Variants in METAP2 observed in about 807,000 individuals in gnomAD.
The protein encoded by METAP2 is methionyl aminopeptidase 2.
Under a neutral mutation model 59.4 loss-of-function variants are expected in METAP2, and 25 were observed. That is an observed-to-expected ratio of 0.42 (90% confidence interval 0.31 to 0.59). The LOEUF (loss-of-function observed/expected upper bound fraction) is 0.59. METAP2 is among the 20% of genes least tolerant of loss of function. The probability of loss-of-function intolerance (pLI) is 0.16; values close to 1 mark genes in which losing one functional copy is unlikely to be tolerated. For synonymous variants in METAP2, 214 were observed against 194.1 expected, an observed-to-expected ratio of 1.10 and a Z score of -0.85; for missense variants, 366 against 581.2, an observed-to-expected ratio of 0.63 and a Z score of 3.81.
At chr12:95,483,333 G>T in intron 3 of METAP2, 53 bp downstream of exon 3, 1 of 1,408,648 alleles carries the variant, frequency 7.1e-7, no homozygotes, top group South Asian at 1.2e-5. Context: ...TTATTCTGTC[G>T]GGTGTGGTGG....
Position 95,511,907 on chromosome 12 carries a change from G to A in METAP2, c.977G>A (p.Arg326His), listed in dbSNP as rs150494953. 6.2e-6 allele frequency: 10 copies of A among 1,606,166 alleles called. No individual in the cohort carries two copies. Among genetic ancestry groups the A allele is most frequent in the East Asian group, 2.2e-5 (1 of 44,726 alleles). Residue 326 changes from arginine (R) to histidine (H), a missense_variant, in exon 9 of 11, where the codon CGT becomes CAT. By Grantham distance (29) the Arg-to-His change is conservative (BLOSUM62 0). Transcript: ENST00000323666. ...DGKTYQVKPI[R>H]NLNGHSIGQY... ...TTTTTTATAACAGTGAAACCAATCC[G>A]TAATCTAAATGGACATTCAATTGGG...
rs551137950 is a variant in METAP2, at chr12:95,512,065, T to C, written c.1068+67T>C. On this transcript the variant is annotated intron_variant, in intron 9 of 10. Coordinates refer to ENST00000323666, the MANE Select transcript of METAP2 (RefSeq NM_006838.4). ...TTTTCTTCCAAGCAGAAGGTCATGG[T>C]AGTTAAATATATGGTTATACTGACC... 1.9e-4 allele frequency: 203 copies of C among 1,095,622 alleles called. No individual in the cohort carries two copies. In the African/African-American group the frequency reaches 2.8e-3, roughly 15 times the overall value. 67.9% of individuals were successfully genotyped at this position (1,095,622 alleles called of 1,614,324 possible).
In METAP2 at chr12:95,513,540, A is replaced by G. The variant is rs928487441; in HGVS notation, c.1185-112A>G. 33 of 1,229,610 alleles carry G rather than the reference A, an allele frequency of 2.7e-5. No homozygotes were observed. The African/African-American group carries it at 4.7e-4, about 17-fold the overall frequency. 76.2% of individuals were successfully genotyped at this position (1,229,610 alleles called of 1,614,324 possible). On this transcript the variant is annotated intron_variant, in intron 10 of 10. Coordinates refer to ENST00000323666, the MANE Select transcript of METAP2 (RefSeq NM_006838.4). ...TGATTGTTGAAAGAGCAACAATAAA[A>G]GTTTTTGGACTTCAACTACTAGGAC... is the stretch of plus-strand genomic sequence containing the variant.
intron 2 of METAP2, chr12:95,482,045 G>A (rs906181652): frequency 7.8e-6 from 3 of 384,034 alleles, no homozygotes; most frequent in African/African-American, 6.3e-5. Flanking sequence ...AATTTTTCGT[G>A]TGCCTTTTGT....
intron 10 of METAP2, among the ~76,000 whole-genome samples, chr12:95,513,416 G>A (rs544542627): frequency 8.5e-5 from 13 of 152,294 alleles, no homozygotes; most frequent in South Asian, 2.1e-4. Flanking sequence ...GCACACGCGC[G>A]CGCACGTAGA....
In METAP2 at chr12:95,510,033, C is replaced by T. The variant is rs555161657; in HGVS notation, c.965-1862C>T. Among the ~76,000 whole-genome samples, 4 of 152,228 alleles carry T rather than the reference C, an allele frequency of 2.6e-5. No individual in the cohort carries two copies. In the South Asian group the frequency reaches 8.3e-4, roughly 32 times the overall value. On this transcript the variant is annotated intron_variant, in intron 8 of 10. Transcript: ENST00000323666. ...TATATTTTTAGTAGAGATGGGGTTT[C>T]ACTGTGTTGGCCAGACTGGTCTTGA...
intron 7 of METAP2, among the ~76,000 whole-genome samples, chr12:95,498,724 C>G (rs1271135534): frequency 6.6e-6 from 1 of 152,158 alleles, no homozygotes; most frequent in African/African-American, 2.4e-5. Context: ...CTTGTCAAAG[C>G]TCATCTGGGT....
intron 4 of METAP2, among the ~76,000 whole-genome samples, chr12:95,486,900 C>T (rs1007327872): frequency 5.9e-5 from 9 of 152,184 alleles, no homozygotes; most frequent in Admixed American, 4.6e-4. Flanking sequence ...TGTAAGGATA[C>T]ATTTAAAATG....
At chr12:95,487,261 G>A (rs1000516033) in intron 4 of METAP2, among the ~76,000 whole-genome samples, 23 of 152,204 alleles carry the variant, frequency 1.5e-4, no homozygotes, top group Admixed American at 7.2e-4. Context: ...GGTTGCAGTC[G>A]TTGGTTAAGA....
intron 7 of METAP2, among the ~76,000 whole-genome samples, chr12:95,498,894 GGT>G (rs2076295544): frequency 6.6e-6 from 1 of 151,898 alleles, no homozygotes; most frequent in African/African-American, 2.4e-5. Context: ...GCACCCTTGT[GGT>G]CCCAGCTACT....
At chr12:95,505,695 A>G (rs952103543) in intron 8 of METAP2, among the ~76,000 whole-genome samples, 1 of 151,730 alleles carries the variant, frequency 6.6e-6, no homozygotes, top group Admixed American at 6.6e-5. Context: ...GGGTTTTGTC[A>G]TGTTGGCCAG....
chr12:95,494,895 G>A (rs947364632), intron 5 of METAP2, 62 bp from the exon 6 acceptor site: 14 of 1,372,210 alleles, frequency 1.0e-5, no homozygotes, highest in African/African-American at 1.5e-5. Context: ...GAACTATATG[G>A]TATTAATATA....
intron 7 of METAP2, among the ~76,000 whole-genome samples, chr12:95,499,302 C>G (rs2076298762): frequency 1.3e-5 from 2 of 152,038 alleles, no homozygotes; most frequent in Admixed American, 6.6e-5. Context: ...CCACCGTACC[C>G]ATCAATTTTG....
At chr12:95,502,801 G>T in intron 7 of METAP2, among the ~76,000 whole-genome samples, 1 of 150,092 alleles carries the variant, frequency 6.7e-6, no homozygotes. Flanking sequence ...TTATCTTCAG[G>T]TTTGCTGGTT....
In METAP2 at chr12:95,512,899, T is replaced by C. The variant is rs200335324; in HGVS notation, c.1167T>C (p.Val389=). Reference sequence around the variant, plus strand: ...CACATTACATGAAAAATTTTGATGTTGGACATGTGCCAATAAGGTGAGAGA... The same window carrying C: ...CACATTACATGAAAAATTTTGATGTCGGACATGTGCCAATAAGGTGAGAGA... ...ECSHYMKNFD[V]GHVPIRLPRT... The change falls in exon 10 of 11, where the codon GTT becomes GTC. Residue 389 remains valine (V), a synonymous_variant. Coordinates refer to ENST00000323666, the MANE Select transcript of METAP2 (RefSeq NM_006838.4). The C allele has an allele frequency of 1.2e-6, 2 of 1,604,880 alleles. No homozygotes were observed. The highest frequency in any genetic ancestry group is 2.2e-5 in the South Asian group (2 of 90,734).
chr12:95,475,495 C>A (rs2076111343), intron 1 of METAP2, among the ~76,000 whole-genome samples: 1 of 152,210 alleles, frequency 6.6e-6, no homozygotes, highest in Non-Finnish European at 1.5e-5. Context: ...AATGTCACTT[C>A]ATTTCGTGCT....
chr12:95,505,295 C>G (rs578121199), intron 8 of METAP2, among the ~76,000 whole-genome samples: 6 of 152,190 alleles, frequency 3.9e-5, no homozygotes, highest in Non-Finnish European at 7.3e-5. Flanking sequence ...CGTAACAGTC[C>G]TCTTTCATGT....
At chr12:95,499,105 TA>T (rs1244546445) in intron 7 of METAP2, among the ~76,000 whole-genome samples, 3 of 152,156 alleles carry the variant, frequency 2.0e-5, no homozygotes, top group Non-Finnish European at 4.4e-5. Context: ...TGTCTGTCTT[TA>T]TGTCAATACC....
At position 95,512,397 on chromosome 12, in the gene METAP2, G is replaced by A. The variant is rs903028478; in HGVS notation, c.1068+399G>A. Among the ~76,000 whole-genome samples the A allele has an allele frequency of 2.6e-5, 4 of 152,050 alleles. No homozygotes were observed. The South Asian group carries it at 6.2e-4, about 24-fold the overall frequency. On this transcript the variant is annotated intron_variant, in intron 9 of 10. Coordinates refer to ENST00000323666, the MANE Select transcript of METAP2 (RefSeq NM_006838.4). ...CTATTTCATGTTGCTGCTTAATCAG[G>A]TAGAGACTTCAAGAGATGGTAATTG...
Sources: gnomAD v4.1 joint callset for allele counts (sites outside exome capture counted in the v4.1 genomes callset) on GRCh38, gnomAD v4.1.1 for gene constraint, MANE v1.5 for transcripts, NCBI Gene and HGNC (gene_info 2026-07-23, HGNC 2026-07-21) for gene names.